The following DIAPH2 variants were observed in gnomAD, a reference collection of about 807,000 sequenced individuals.
DIAPH2 encodes the protein diaphanous related formin 2, also known as protein diaphanous homolog 2.
A neutral mutation model predicts 92.7 loss-of-function variants in DIAPH2; 35 were observed. The ratio of observed to expected loss-of-function variants is 0.38; its 90% CI spans 0.29 to 0.50. The LOEUF (loss-of-function observed/expected upper bound fraction) is 0.50. Among genes scored for constraint, DIAPH2 ranks in the 20% least tolerant of loss-of-function variants. DIAPH2 has a pLI of 0.94. For synonymous variants in DIAPH2, 301 were observed against 280.4 expected (o/e 1.07, Z -0.73); for missense variants, 701 against 819.5 (o/e 0.86, Z 1.77).
intron 24 of DIAPH2, among the ~76,000 whole-genome samples, chrX:97,376,196 A>G (rs1294311343): frequency 9.0e-6 from 1 of 111,491 alleles, no homozygotes; most frequent in Non-Finnish European, 1.9e-5. Flanking sequence ...TTGAAACTTG[A>G]GTAAAATGAT....
chrX:96,861,768 C>G (rs1177886210), intron 4 of DIAPH2, among the ~76,000 whole-genome samples: 2 of 111,902 alleles, frequency 1.8e-5, no homozygotes, highest in African/African-American at 3.3e-5. Context: ...CTTTCCTGCT[C>G]CTTGTCCCTT....
At position 96,962,492 on chromosome X, in the gene DIAPH2, CACACATAT is replaced by C. The variant is rs1342902915; in HGVS notation, c.1936-2599_1936-2592del. ...ACATATATATATACACACACACACACACACATATATATATATATATATATATATATACC... is the reference window on the plus strand; with the variant it reads ...ACATATATATATACACACACACACACATATATATATATATATATATATACC... On this transcript the variant is annotated intron_variant, in intron 16 of 26. Coordinates refer to ENST00000324765, the MANE Select transcript of DIAPH2 (RefSeq NM_006729.5). 6.4e-3 allele frequency among the ~76,000 whole-genome samples: 125 copies of C among 19,562 alleles called. 4 individuals are homozygous for C. Among genetic ancestry groups the C allele is most frequent in the South Asian group, 0.015 (5 of 334 alleles). 17.0% of individuals were successfully genotyped at this position (19,562 alleles called of 115,157 possible). A position where few individuals can be genotyped will look rare whatever the true frequency, so the allele number is the denominator to read the frequency against.
chrX:96,825,255 C>T (rs981309578), intron 4 of DIAPH2, among the ~76,000 whole-genome samples: 2 of 108,945 alleles, frequency 1.8e-5, no homozygotes, highest in Non-Finnish European at 3.8e-5. Flanking sequence ...CATGCCTGGC[C>T]GTATTAATGT....
intron 25 of DIAPH2, among the ~76,000 whole-genome samples, chrX:97,410,780 C>T (rs1460450043): frequency 9.0e-6 from 1 of 111,442 alleles, no homozygotes; most frequent in Non-Finnish European, 1.9e-5. Flanking sequence ...ATAGATGATT[C>T]AATGAAGTGG....
chrX:97,253,920 A>G (rs1351290795), intron 23 of DIAPH2, among the ~76,000 whole-genome samples: 3 of 112,111 alleles, frequency 2.7e-5, no homozygotes, highest in Admixed American at 9.5e-5. Flanking sequence ...CTGATACAAC[A>G]AAGGCAAGTG....
chrX:97,120,395 C>G (rs1380495678), intron 21 of DIAPH2, among the ~76,000 whole-genome samples: 1 of 110,409 alleles, frequency 9.1e-6, no homozygotes, highest in Non-Finnish European at 1.9e-5. Context: ...GTATTTGGGT[C>G]CTGCAGCAGC....
intron 19 of DIAPH2, among the ~76,000 whole-genome samples, chrX:97,099,345 G>A (rs1375220208): frequency 2.7e-5 from 3 of 109,260 alleles, no homozygotes; most frequent in South Asian, 4.0e-4. Context: ...CAGCCAGGGC[G>A]ACAGAGCGAG....
At chrX:97,389,680 A>AGGC (rs1484418597) in intron 25 of DIAPH2, among the ~76,000 whole-genome samples, 68 of 111,009 alleles carry the variant, frequency 6.1e-4, no homozygotes, top group African/African-American at 2.2e-3. Context: ...GCTGCACAGT[A>AGGC]ACAGACCAAT....
At chrX:97,026,374 C>T (rs934907472) in intron 17 of DIAPH2, among the ~76,000 whole-genome samples, 15 of 111,765 alleles carry the variant, frequency 1.3e-4, no homozygotes, top group African/African-American at 4.9e-4. Flanking sequence ...AATGCATTAA[C>T]ATATAATTGT....
At chrX:96,912,617 T>C (rs1480678333) in intron 7 of DIAPH2, 65 bp downstream of exon 7, 3 of 1,055,309 alleles carry the variant, frequency 2.8e-6, no homozygotes, top group Non-Finnish European at 3.7e-6. Flanking sequence ...TATGAAAGTA[T>C]GAAATGAACA....
intron 26 of DIAPH2, among the ~76,000 whole-genome samples, chrX:97,573,166 A>T (rs1469197918): frequency 9.0e-6 from 1 of 111,392 alleles, no homozygotes; most frequent in African/African-American, 3.3e-5. Context: ...GTCAAGCTCT[A>T]ATGGGAACCT....
At chrX:97,596,826 T>TA (rs2071555151) in intron 26 of DIAPH2, among the ~76,000 whole-genome samples, 1 of 112,093 alleles carries the variant, frequency 8.9e-6, no homozygotes, top group African/African-American at 3.2e-5. Context: ...AATCTCTGCT[T>TA]AAAAAACATG....
At chrX:97,099,203 A>G (rs2066889282) in intron 19 of DIAPH2, among the ~76,000 whole-genome samples, 1 of 110,561 alleles carries the variant, frequency 9.0e-6, no homozygotes, top group Non-Finnish European at 1.9e-5. Flanking sequence ...CGTCTCTACT[A>G]AAAATACAAA....
At position 97,466,765 on chromosome X, in the gene DIAPH2, T is replaced by C. The variant is rs183741834; in HGVS notation, c.3241+37020T>C. On this transcript the variant is annotated intron_variant, in intron 26 of 26. Coordinates refer to ENST00000324765, the MANE Select transcript of DIAPH2 (RefSeq NM_006729.5). ...CAGACCAAAGCCCCAGAGGAGGTAG[T>C]TGAAGTTCAGCAAAATAGATTTACC... Among the ~76,000 whole-genome samples the C allele has an allele frequency of 5.3e-5, 6 of 112,309 alleles. No homozygotes were observed. The East Asian group carries it at 1.4e-3, about 26-fold the overall frequency.
At chrX:97,194,066 A>C (rs750356801) in intron 22 of DIAPH2, among the ~76,000 whole-genome samples, 7 of 111,352 alleles carry the variant, frequency 6.3e-5, no homozygotes, top group African/African-American at 2.3e-4. Flanking sequence ...CAGATGCCTT[A>C]AGTAATGTGC....
intron 4 of DIAPH2, among the ~76,000 whole-genome samples, chrX:96,870,386 C>T (rs566154931): frequency 3.7e-5 from 4 of 109,368 alleles, no homozygotes; most frequent in African/African-American, 6.6e-5. Flanking sequence ...CTCAGCCTCC[C>T]GAGTAGCTGG....
intron 8 of DIAPH2, among the ~76,000 whole-genome samples, chrX:96,917,079 C>T (rs1602627199): frequency 9.0e-6 from 1 of 111,294 alleles, no homozygotes; most frequent in South Asian, 3.7e-4. Flanking sequence ...GTATATGTGC[C>T]ACCAAATGCA....
At chrX:96,815,366 T>G (rs179842) in intron 4 of DIAPH2, among the ~76,000 whole-genome samples, 1 of 110,122 alleles carries the variant, frequency 9.1e-6, no homozygotes, top group Non-Finnish European at 1.9e-5. Context: ...GTGTGCTGTT[T>G]GCTAAGACCA....
intron 26 of DIAPH2, among the ~76,000 whole-genome samples, chrX:97,590,242 T>C (rs1388006999): frequency 8.9e-6 from 1 of 111,816 alleles, no homozygotes; most frequent in Non-Finnish European, 1.9e-5. Flanking sequence ...CTGCTGAAAC[T>C]AGCGAGCCTG....
Sources: allele counts gnomAD v4.1 joint callset (sites outside exome capture counted in the v4.1 genomes callset), GRCh38; gene constraint gnomAD v4.1.1; transcripts MANE v1.5; gene names NCBI Gene and HGNC (gene_info 2026-07-23, HGNC 2026-07-21).